Variants in CACNA2D3 observed in about 807,000 individuals in gnomAD.
CACNA2D3 encodes calcium voltage-gated channel auxiliary subunit alpha2delta 3, also known as voltage-dependent calcium channel subunit alpha-2/delta-3.
A neutral mutation model predicts 160.6 loss-of-function variants in CACNA2D3; 60 were observed. The ratio of observed to expected loss-of-function variants is 0.37; its 90% CI spans 0.30 to 0.46. The LOEUF is 0.46. CACNA2D3 is among the 20% of genes least tolerant of loss of function. The pLI is 1.00. For missense variants in CACNA2D3, 1,205 were observed against 1,365.0 expected (o/e 0.88, Z 1.85); for synonymous variants, 558 against 492.9 (o/e 1.13, Z -1.75).
intron 2 of CACNA2D3, among the ~76,000 whole-genome samples, chr3:54,141,061 CTGTGTG>C (rs55833247): frequency 7.7e-6 from 1 of 129,480 alleles, no homozygotes; most frequent in Non-Finnish European, 1.6e-5. Context: ...CAGGTGAAAC[CTGTGTG>C]TGTGTGTGTG....
chr3:54,786,251 C>T (rs573320774), intron 13 of CACNA2D3, among the ~76,000 whole-genome samples: 2 of 152,308 alleles, frequency 1.3e-5, no homozygotes, highest in Non-Finnish European at 2.9e-5. Context: ...AAGTCTGGGT[C>T]ACTAACTGAC....
intron 4 of CACNA2D3, among the ~76,000 whole-genome samples, chr3:54,489,272 T>C (rs1432552143): frequency 6.6e-6 from 1 of 152,122 alleles, no homozygotes; most frequent in African/African-American, 2.4e-5. Context: ...AAGGAGATGA[T>C]ATTGAGGGGC....
At chr3:54,969,651 G>C in intron 28 of CACNA2D3, 149 bp from the exon 29 acceptor site, 1 of 624,674 alleles carries the variant, frequency 1.6e-6, no homozygotes, top group African/African-American at 1.8e-5. Flanking sequence ...ACACATCATG[G>C]AGCATTCCTT....
In CACNA2D3 at chr3:54,841,016, C is replaced by T. The variant is rs375835282; in HGVS notation, c.1551+2368C>T. Among the ~76,000 whole-genome samples, 10 of 152,128 alleles carry T rather than the reference C, an allele frequency of 6.6e-5. 1 individual carries two copies. Among genetic ancestry groups the T allele is most frequent in the South Asian group, 2.1e-4 (1 of 4,800 alleles). On this transcript the variant is annotated intron_variant, in intron 16 of 37. Transcript: ENST00000474759. The stretch of plus-strand genomic sequence containing the variant: ...GGATTACAGGCATGAGCCACCGTGC[C>T]GGGCCCCAAGAGCCATGATTTTAAC...
In CACNA2D3 at chr3:54,946,036, A is replaced by G. The variant is rs145383815; in HGVS notation, c.2450-22414A>G. Among the ~76,000 whole-genome samples, 30 of 152,334 alleles carry G rather than the reference A, an allele frequency of 2.0e-4. No homozygotes were observed. The East Asian group carries it at 5.8e-3, about 29-fold the overall frequency. ...AGGAAAACGAGTACCCTGCCTCATT[A>G]TCACATTTCCTTGGTTCTAAGATGC... is the stretch of plus-strand genomic sequence containing the variant. On this transcript the variant is annotated intron_variant, in intron 27 of 37. Coordinates refer to ENST00000474759, the MANE Select transcript of CACNA2D3 (RefSeq NM_018398.3).
intron 2 of CACNA2D3, among the ~76,000 whole-genome samples, chr3:54,316,121 A>T (rs1424705869): frequency 7.8e-6 from 1 of 129,004 alleles, no homozygotes; most frequent in Non-Finnish European, 1.8e-5. Context: ...TTAGTGATTT[A>T]AAACAAAAAG....
At chr3:54,610,499 C>G (rs955545929) in intron 9 of CACNA2D3, among the ~76,000 whole-genome samples, 3 of 151,746 alleles carry the variant, frequency 2.0e-5, no homozygotes, top group Admixed American at 6.6e-5. Context: ...TCAGTGGGAG[C>G]TGGGTGATGG....
chr3:54,399,998 C>T lies in CACNA2D3; in HGVS notation c.381+13224C>T, dbSNP rs1259146923. The stretch of plus-strand genomic sequence containing the variant: ...CTGAGCCAGGTGTGGGATATAGTCT[C>T]GTGGTGCGCCGTTTTTTAAGCCGGT... On this transcript the variant is annotated intron_variant, in intron 4 of 37. Coordinates refer to ENST00000474759, the MANE Select transcript of CACNA2D3 (RefSeq NM_018398.3). Among the ~76,000 whole-genome samples, 1,049 of 119,762 alleles carry T rather than the reference C, an allele frequency of 8.8e-3. 34 individuals carry two copies. Among genetic ancestry groups the T allele is most frequent in the African/African-American group, 0.033 (991 of 30,232 alleles). 78.6% of individuals were successfully genotyped at this position (119,762 alleles called of 152,430 possible). A position where few individuals can be genotyped will look rare whatever the true frequency, so the allele number is the denominator to read the frequency against.
chr3:54,467,366 G>C (rs189811478), intron 4 of CACNA2D3, among the ~76,000 whole-genome samples: 4 of 152,280 alleles, frequency 2.6e-5, no homozygotes, highest in Admixed American at 2.0e-4. Context: ...ACCCACTTAG[G>C]CTCATGGAAG....
At chr3:54,507,635 G>T (rs1373120289) in intron 5 of CACNA2D3, among the ~76,000 whole-genome samples, 2 of 152,166 alleles carry the variant, frequency 1.3e-5, no homozygotes, top group Non-Finnish European at 2.9e-5. Flanking sequence ...TGATAGCAAA[G>T]AAACTTTTTG....
rs1170947432 is a variant in CACNA2D3 at position 54,490,507 on chromosome 3, C to A, written c.382-12985C>A. Among the ~76,000 whole-genome samples, 2 of 152,170 alleles carry A rather than the reference C, an allele frequency of 1.3e-5. 1 individual carries two copies. Among genetic ancestry groups the A allele is most frequent in the Admixed American group, 1.3e-4 (2 of 15,282 alleles). ...CCAGGGAGAGAGTGGGAAGGCTCTTCCTAGCTGGAGGTAAAACACAAAAAT... is the reference window on the plus strand; with the variant it reads ...CCAGGGAGAGAGTGGGAAGGCTCTTACTAGCTGGAGGTAAAACACAAAAAT... On this transcript the variant is annotated intron_variant, in intron 4 of 37. Transcript: ENST00000474759.
intron 14 of CACNA2D3, among the ~76,000 whole-genome samples, chr3:54,831,892 A>G (rs1310174267): frequency 6.6e-6 from 1 of 152,132 alleles, no homozygotes; most frequent in African/African-American, 2.4e-5. Context: ...AGGCAACCCC[A>G]TAATGGAAAA....
At chr3:54,978,296 C>T (rs558477098) in intron 29 of CACNA2D3, among the ~76,000 whole-genome samples, 28 of 152,226 alleles carry the variant, frequency 1.8e-4, no homozygotes, top group African/African-American at 5.5e-4. Flanking sequence ...ACATTTCCCC[C>T]GTCCCTTTTA....
intron 13 of CACNA2D3, among the ~76,000 whole-genome samples, chr3:54,794,009 A>G (rs537642426): frequency 6.6e-6 from 1 of 152,302 alleles, no homozygotes; most frequent in African/African-American, 2.4e-5. Flanking sequence ...ATTGGCATAA[A>G]GATGTTCATA....
At chr3:54,958,040 G>T (rs562419833) in intron 27 of CACNA2D3, among the ~76,000 whole-genome samples, 2 of 152,316 alleles carry the variant, frequency 1.3e-5, no homozygotes, top group South Asian at 2.1e-4. Context: ...CAACCACCCC[G>T]TGTGTGTTCA....
intron 27 of CACNA2D3, among the ~76,000 whole-genome samples, chr3:54,952,483 CAT>C (rs1292809001): frequency 6.6e-6 from 1 of 152,200 alleles, no homozygotes; most frequent in South Asian, 2.1e-4. Context: ...AAAAATAAAA[CAT>C]GAGGCAAAAA....
chr3:54,747,405 T>C (rs563914727), intron 11 of CACNA2D3, among the ~76,000 whole-genome samples: 2 of 152,168 alleles, frequency 1.3e-5, no homozygotes, highest in Admixed American at 6.5e-5. Flanking sequence ...CTACCCTTAC[T>C]CTCTATGGCT....
intron 9 of CACNA2D3, among the ~76,000 whole-genome samples, chr3:54,595,376 G>C (rs1277739914): frequency 6.6e-6 from 1 of 151,666 alleles, no homozygotes. Context: ...ATATGGATGG[G>C]TGTCCATACT....
At chr3:54,291,788 C>T (rs920977491) in intron 2 of CACNA2D3, among the ~76,000 whole-genome samples, 13 of 152,154 alleles carry the variant, frequency 8.5e-5, no homozygotes, top group East Asian at 7.7e-4. Context: ...TGAACAGATT[C>T]GAAGTGTAGT....
Sources: allele counts gnomAD v4.1 joint callset (sites outside exome capture counted in the v4.1 genomes callset), GRCh38; gene constraint gnomAD v4.1.1; transcripts MANE v1.5; gene names NCBI Gene and HGNC (gene_info 2026-07-23, HGNC 2026-07-21).